The following DNMBP variants were observed in gnomAD, a reference collection of about 807,000 sequenced individuals.
The protein encoded by DNMBP is dynamin binding protein, also known as dynamin-binding protein.
A neutral mutation model predicts 150.0 loss-of-function variants in DNMBP; 87 were observed. That is an observed-to-expected ratio of 0.58 (90% CI 0.49 to 0.69). The LOEUF (loss-of-function observed/expected upper bound fraction) is 0.69, where lower values mean the gene tolerates loss of function less well. Ranked by LOEUF, DNMBP falls within the 30% of genes least tolerant of loss-of-function variation. DNMBP has a pLI of 0.00. For missense variants in DNMBP, 1,774 were observed against 1,949.0 expected, an observed-to-expected ratio of 0.91 and a Z score of 1.69; for synonymous variants, 711 against 750.4, an observed-to-expected ratio of 0.95 and a Z score of 0.86.
At chr10:99,979,135 C>G (rs974655123) in intron 1 of DNMBP, among the ~76,000 whole-genome samples, 1 of 152,166 alleles carries the variant, frequency 6.6e-6, no homozygotes, top group Non-Finnish European at 1.5e-5. Flanking sequence ...AAGCCCTATG[C>G]AAACTAAAAA....
chr10:99,993,453 A>G (rs10159954), intron 1 of DNMBP, among the ~76,000 whole-genome samples: 71,040 of 152,028 alleles, frequency 0.47, 17,618 homozygotes, highest in African/African-American at 0.63. Context: ...ATTGTATCTC[A>G]ATTTTTAAAA....
chr10:99,910,199 A>G (rs564566729), intron 4 of DNMBP, among the ~76,000 whole-genome samples: 2 of 152,388 alleles, frequency 1.3e-5, no homozygotes, highest in East Asian at 1.9e-4. Flanking sequence ...CGGCCTTCAC[A>G]GCAGATTTTA....
At position 99,881,082 on chromosome 10, in the gene DNMBP, G is replaced by C. The variant is rs900816345; in HGVS notation, c.3998-721C>G. Among the ~76,000 whole-genome samples, 3 of 152,064 alleles carry C rather than the reference G, an allele frequency of 2.0e-5. No homozygotes were observed. In the South Asian group the frequency reaches 6.2e-4, roughly 32 times the overall value. ...CTCTATTAAAAATACGAAAATATTAGCCGGATGTGGTGGTGCGCACCTGTA... is the reference window on the plus strand; with the variant it reads ...CTCTATTAAAAATACGAAAATATTACCCGGATGTGGTGGTGCGCACCTGTA... On this transcript the variant is annotated intron_variant, in intron 15 of 16. Coordinates refer to ENST00000324109, the MANE Select transcript of DNMBP (RefSeq NM_015221.4).
chr10:99,886,339 A>G lies in DNMBP; in HGVS notation c.3579T>C (p.Phe1193=). ...VHGYAEAHCD[F]VHQALEQLKP... ...TTAATTGCTCCAGAGCCTGGTGCAC[A>G]AAGTCACAGTGGGCTTCAGCATAGC... Residue 1193 remains phenylalanine (F), a synonymous_variant, in exon 13 of 17, where the codon TTT becomes TTC. Coordinates refer to ENST00000324109, the MANE Select transcript of DNMBP (RefSeq NM_015221.4). The G allele has an allele frequency of 6.2e-7, 1 of 1,614,076 alleles. No homozygotes were observed. Among genetic ancestry groups the G allele is most frequent in the Non-Finnish European group, 8.5e-7 (1 of 1,179,918 alleles).
rs79879601 is a variant in DNMBP, at chr10:99,914,198, G to C, written c.2261-5052C>G. ...GTACTGGACTGAGAAGTGCACCAGC[G>C]GGCCCAGCAGTACCTGGATCAACAC... On this transcript the variant is annotated intron_variant, in intron 4 of 16. Coordinates refer to ENST00000324109, the MANE Select transcript of DNMBP (RefSeq NM_015221.4). 6.1e-5 allele frequency: 65 copies of C among 1,065,764 alleles called. No individual in the cohort carries two copies. In the African/African-American group the frequency reaches 9.8e-4, roughly 16 times the overall value. 66.0% of individuals were successfully genotyped at this position (1,065,764 alleles called of 1,614,324 possible). A position where few individuals can be genotyped will look rare whatever the true frequency, so the allele number is the denominator to read the frequency against.
chr10:99,889,659 T>C (rs1454906443), intron 11 of DNMBP, among the ~76,000 whole-genome samples: 2 of 152,178 alleles, frequency 1.3e-5, no homozygotes, highest in African/African-American at 4.8e-5. Flanking sequence ...GAGACCAGCC[T>C]GGCCAGCATG....
intron 11 of DNMBP, among the ~76,000 whole-genome samples, chr10:99,891,434 C>G (rs376459038): frequency 1.3e-5 from 2 of 151,742 alleles, no homozygotes; most frequent in African/African-American, 4.9e-5. Context: ...CTCGGCCTCC[C>G]GAGGTGCCGG....
Position 99,934,370 on chromosome 10 carries a change from A to C in DNMBP, c.2260+20844T>G, listed in dbSNP as rs558718015. Among the ~76,000 whole-genome samples, 14 of 148,796 alleles carry C rather than the reference A, an allele frequency of 9.4e-5. No individual in the cohort carries two copies. In the South Asian group the frequency reaches 1.5e-3, roughly 16 times the overall value. On this transcript the variant is annotated intron_variant, in intron 4 of 16. Transcript: ENST00000324109. Reference sequence around the variant, plus strand: ...TAACTGGAGTAAGGCTTTGGGGTTAATAATGATGCGGCTTCATAACAATAA... The same window carrying C: ...TAACTGGAGTAAGGCTTTGGGGTTACTAATGATGCGGCTTCATAACAATAA...
chr10:99,964,404 G>C lies in DNMBP; in HGVS notation c.268+4711C>G, dbSNP rs567492333. Among the ~76,000 whole-genome samples the C allele has an allele frequency of 1.7e-3, 251 of 151,476 alleles. 3 individuals are homozygous for C. The highest frequency in any genetic ancestry group is 5.8e-3 in the African/African-American group (239 of 41,282). On this transcript the variant is annotated intron_variant, in intron 3 of 16. Transcript: ENST00000324109. The stretch of plus-strand genomic sequence containing the variant: ...CCCAAAGTGCTGGGATTACAGGCGT[G>C]AGCCACTGCGCCCAGCCTCCTTGCA...
intron 4 of DNMBP, among the ~76,000 whole-genome samples, chr10:99,917,067 C>T (rs950383749): frequency 1.1e-4 from 16 of 152,152 alleles, no homozygotes; most frequent in African/African-American, 3.9e-4. Flanking sequence ...TAATAAAATA[C>T]TCTTATAAGG....
At chr10:99,959,510 A>G (rs78491147) in intron 3 of DNMBP, among the ~76,000 whole-genome samples, 2 of 151,994 alleles carry the variant, frequency 1.3e-5, no homozygotes, top group Admixed American at 1.3e-4. Flanking sequence ...AAACAAAAAA[A>G]CCACCCAAAA....
At chr10:99,930,777 A>C (rs781426201) in intron 4 of DNMBP, 125 of 640,426 alleles carry the variant, frequency 2.0e-4, no homozygotes, top group Non-Finnish European at 3.0e-4. Context: ...CTATGTGCTT[A>C]AAGACAAAGG....
At chr10:99,891,747 C>T (rs1564719393) in intron 11 of DNMBP, among the ~76,000 whole-genome samples, 3 of 145,416 alleles carry the variant, frequency 2.1e-5, no homozygotes, top group Admixed American at 2.0e-4. Flanking sequence ...TTCCCGGCCG[C>T]CATCACATCT....
chr10:99,896,464 G>C lies in DNMBP; in HGVS notation c.2921-67C>G, dbSNP rs568432621. The stretch of plus-strand genomic sequence containing the variant: ...TACTACAAAATGAGCCATAAAATGA[G>C]ATGAACACCCAAACGGGAGCTAGTC... On this transcript the variant is annotated intron_variant, in intron 9 of 16. Transcript: ENST00000324109. 5 of 1,511,606 alleles carry C rather than the reference G, an allele frequency of 3.3e-6. No homozygotes were observed. The South Asian group carries it at 4.5e-5, about 14-fold the overall frequency. The allele number at this position is 1,511,606 out of a possible 1,614,324, so 93.6% of individuals were successfully genotyped here.
chr10:99,943,404 GTTTGTTTT>G (rs1212145973), intron 4 of DNMBP, among the ~76,000 whole-genome samples: 3 of 151,794 alleles, frequency 2.0e-5, no homozygotes, highest in Non-Finnish European at 4.4e-5. Flanking sequence ...TTGTTTGTTT[GTTTGTTTT>G]TTTGAGACAG....
At position 99,933,893 on chromosome 10, in the gene DNMBP, T is replaced by C. The variant is rs533917581; in HGVS notation, c.2260+21321A>G. ...CTGGGACTACAGGCGCCCGCCACCA[T>C]GCCCGGCTAAAGTTTTGTAATTTTA... On this transcript the variant is annotated intron_variant, in intron 4 of 16. Transcript: ENST00000324109. Among the ~76,000 whole-genome samples, 1,165 of 152,266 alleles carry C rather than the reference T, an allele frequency of 7.7e-3. 16 individuals carry two copies. Among genetic ancestry groups the C allele is most frequent in the African/African-American group, 0.024 (985 of 41,522 alleles).
At chr10:99,891,928 C>A (rs1276173540) in intron 11 of DNMBP, among the ~76,000 whole-genome samples, 1 of 121,984 alleles carries the variant, frequency 8.2e-6, no homozygotes, top group Admixed American at 7.8e-5. Flanking sequence ...GGGGGGTCAG[C>A]CCCCTGCCCG....
chr10:99,961,005 GA>G (rs886550854), intron 3 of DNMBP, among the ~76,000 whole-genome samples: 30 of 144,392 alleles, frequency 2.1e-4, no homozygotes, highest in African/African-American at 4.3e-4. Context: ...AAATAAATAA[GA>G]AAAAAAAAAA....
rs757390775 is a variant in DNMBP at position 99,956,101 on chromosome 10, C to G, written c.1373G>C (p.Ser458Thr). 9 of 1,614,062 alleles carry G rather than the reference C, an allele frequency of 5.6e-6. No homozygotes were observed. Among genetic ancestry groups the G allele is most frequent in the African/African-American group, 1.3e-5 (1 of 74,934 alleles). ...PLEARTRDYA[S>T]LPPKRMYSQL... ...GGAATACATTCTTTTGGGAGGTAGGCTGGCATAGTCTCTAGTCCTTGCTTC... is the reference window on the plus strand; with the variant it reads ...GGAATACATTCTTTTGGGAGGTAGGGTGGCATAGTCTCTAGTCCTTGCTTC... Residue 458 changes from serine (S) to threonine (T), a missense_variant, in exon 4 of 17, where the codon AGC becomes ACC. Ser to Thr is a moderately conservative substitution (Grantham distance 58). Transcript: ENST00000324109.
Sources: gnomAD v4.1 joint callset for allele counts (sites outside exome capture counted in the v4.1 genomes callset) on GRCh38, gnomAD v4.1.1 for gene constraint, MANE v1.5 for transcripts, NCBI Gene and HGNC (gene_info 2026-07-23, HGNC 2026-07-21) for gene names.